ERBB4: variants seen among roughly 807,000 people sequenced by gnomAD.
ERBB4 encodes the protein erb-b2 receptor tyrosine kinase 4, also known as receptor tyrosine-protein kinase erbB-4.
Under a neutral mutation model 158.0 loss-of-function variants are expected in ERBB4, and 42 were observed. The observed-to-expected ratio is 0.27, with a 90% CI of 0.21 to 0.34. The LOEUF (loss-of-function observed/expected upper bound fraction) is 0.34, where lower values mean the gene tolerates loss of function less well. Ranked by LOEUF, ERBB4 falls within the 10% of genes least tolerant of loss-of-function variation. The probability of loss-of-function intolerance (pLI) is 1.00; values close to 1 mark genes in which losing one functional copy is unlikely to be tolerated. For missense variants in ERBB4, 1,333 were observed against 1,624.1 expected (o/e 0.82, Z 3.08); for synonymous variants, 583 against 558.7 (o/e 1.04, Z -0.61).
rs186713676 is a variant in ERBB4 at position 211,426,278 on chromosome 2, G to A, written c.2720-1977C>T. ...AGGAAAGCTAAAACAAAACATCCTC[G>A]AATTTTACTTGCAATTCCTTTATCT... On this transcript the variant is annotated intron_variant, in intron 22 of 27. Coordinates refer to ENST00000342788, the MANE Select transcript of ERBB4 (RefSeq NM_005235.3). 9.2e-5 allele frequency among the ~76,000 whole-genome samples: 14 copies of A among 152,178 alleles called. 2 individuals carry two copies. Among genetic ancestry groups the A allele is most frequent in the Admixed American group, 5.9e-4 (9 of 15,266 alleles).
At chr2:212,099,677 C>A (rs1458060475) in intron 2 of ERBB4, among the ~76,000 whole-genome samples, 1 of 151,852 alleles carries the variant, frequency 6.6e-6, no homozygotes, top group Non-Finnish European at 1.5e-5. Context: ...GGCTCTAGGG[C>A]AATGCCAATT....
chr2:212,501,167 T>A (rs564480570), intron 1 of ERBB4, among the ~76,000 whole-genome samples: 1 of 152,076 alleles, frequency 6.6e-6, no homozygotes, highest in Admixed American at 6.6e-5. Context: ...CAGCCACACA[T>A]CTAATGACAC....
At chr2:211,564,507 C>T (rs2067493358) in intron 19 of ERBB4, among the ~76,000 whole-genome samples, 1 of 152,158 alleles carries the variant, frequency 6.6e-6, no homozygotes, top group African/African-American at 2.4e-5. Flanking sequence ...TCCATTCCAT[C>T]TCCCAAATAG....
In ERBB4 at chr2:212,464,892, T is replaced by TCTCA. The variant is rs1252384791; in HGVS notation, c.82+73556_82+73557insTGAG. On this transcript the variant is annotated intron_variant, in intron 1 of 27. Transcript: ENST00000342788. ...TGCAATCTATTTAGAAAGGGAAACATCACACACACACACACACACACACAC... is the reference window on the plus strand; with the variant it reads ...TGCAATCTATTTAGAAAGGGAAACATCTCACACACACACACACACACACACACAC... Among the ~76,000 whole-genome samples, 921 of 146,130 alleles carry TCTCA rather than the reference T, an allele frequency of 6.3e-3. 8 individuals carry two copies. Among genetic ancestry groups the TCTCA allele is most frequent in the African/African-American group, 0.022 (864 of 39,992 alleles).
chr2:211,733,441 C>CA (rs1559468928), intron 5 of ERBB4, among the ~76,000 whole-genome samples: 3 of 151,718 alleles, frequency 2.0e-5, no homozygotes, highest in African/African-American at 7.3e-5. Flanking sequence ...TATGAATCTG[C>CA]GTAAGAATAC....
chr2:212,115,424 A>T (rs2079542979), intron 2 of ERBB4, among the ~76,000 whole-genome samples: 1 of 152,212 alleles, frequency 6.6e-6, no homozygotes. Context: ...TGAAATTTTG[A>T]AGAAAAAAAG....
intron 13 of ERBB4, among the ~76,000 whole-genome samples, chr2:211,678,824 G>A (rs1027392401): frequency 3.3e-5 from 5 of 151,800 alleles, no homozygotes; most frequent in Admixed American, 1.3e-4. Flanking sequence ...AAAATTAGCC[G>A]GGCATGGTGG....
chr2:211,969,467 G>T (rs1019790398), intron 2 of ERBB4, among the ~76,000 whole-genome samples: 7 of 151,946 alleles, frequency 4.6e-5, no homozygotes, highest in Non-Finnish European at 7.4e-5. Context: ...TACAAGAATG[G>T]ATTAGGTCTT....
intron 3 of ERBB4, among the ~76,000 whole-genome samples, chr2:211,915,770 GC>G (rs2079672279): frequency 1.3e-5 from 2 of 151,818 alleles, no homozygotes; most frequent in Admixed American, 6.6e-5. Context: ...AAAGGGGAAA[GC>G]TTTTCCCCTC....
chr2:212,089,369 C>T (rs1459673368), intron 2 of ERBB4, among the ~76,000 whole-genome samples: 1 of 152,094 alleles, frequency 6.6e-6, no homozygotes, highest in Non-Finnish European at 1.5e-5. Flanking sequence ...GGCTGAATTG[C>T]ACATTTTTAA....
At chr2:212,436,082 T>G (rs1179228203) in intron 1 of ERBB4, among the ~76,000 whole-genome samples, 1 of 151,802 alleles carries the variant, frequency 6.6e-6, no homozygotes, top group Non-Finnish European at 1.5e-5. Context: ...CCATCAAAAT[T>G]TGTCAATCAT....
At chr2:212,395,909 G>A (rs530357092) in intron 1 of ERBB4, among the ~76,000 whole-genome samples, 9 of 152,164 alleles carry the variant, frequency 5.9e-5, no homozygotes, top group East Asian at 3.9e-4. Context: ...GAGCGACCAC[G>A]CCCAGCCAGC....
intron 2 of ERBB4, among the ~76,000 whole-genome samples, chr2:212,062,939 C>T (rs1458265716): frequency 6.6e-6 from 1 of 151,614 alleles, no homozygotes; most frequent in Non-Finnish European, 1.5e-5. Flanking sequence ...AAAGAAAAAA[C>T]AAAAAAGGAT....
Position 212,103,524 on chromosome 2 carries a change from G to T in ERBB4, c.234+21228C>A, listed in dbSNP as rs1575636790. Among the ~76,000 whole-genome samples the T allele has an allele frequency of 3.3e-5, 5 of 152,038 alleles. No homozygotes were observed. In the East Asian group the frequency reaches 7.7e-4, roughly 23 times the overall value. On this transcript the variant is annotated intron_variant, in intron 2 of 27. Transcript: ENST00000342788. ...TCTGGTACTAAATCTTCCAAATCTT[G>T]TGCATGTTTTACAACTCCTACATAT...
chr2:212,226,392 A>G (rs902053018), intron 1 of ERBB4, among the ~76,000 whole-genome samples: 1 of 136,392 alleles, frequency 7.3e-6, no homozygotes, highest in African/African-American at 2.7e-5. Flanking sequence ...ACCCATGGGA[A>G]TTGACATAGT....
chr2:212,419,201 A>G (rs994964892), intron 1 of ERBB4, among the ~76,000 whole-genome samples: 13 of 151,842 alleles, frequency 8.6e-5, no homozygotes, highest in African/African-American at 3.1e-4. Context: ...TGAACGTTCA[A>G]AATTAGTGTT....
chr2:212,058,470 T>A (rs2077652002), intron 2 of ERBB4, among the ~76,000 whole-genome samples: 1 of 152,114 alleles, frequency 6.6e-6, no homozygotes, highest in Admixed American at 6.5e-5. Context: ...TACCAAAGCC[T>A]GATAGAGAAA....
chr2:211,943,424 G>A (rs762949260), intron 3 of ERBB4, among the ~76,000 whole-genome samples: 9 of 152,052 alleles, frequency 5.9e-5, no homozygotes, highest in Non-Finnish European at 1.2e-4. Flanking sequence ...TGACCTTAAC[G>A]GAAGACATGA....
intron 1 of ERBB4, among the ~76,000 whole-genome samples, chr2:212,190,515 C>G (rs143479925): frequency 2.9e-5 from 4 of 137,452 alleles, no homozygotes; most frequent in Non-Finnish European, 4.6e-5. Context: ...CCAGCCTGGG[C>G]AACAGAGCGA....
Sources: gnomAD v4.1 joint callset for allele counts (sites outside exome capture counted in the v4.1 genomes callset) on GRCh38, gnomAD v4.1.1 for gene constraint, MANE v1.5 for transcripts, NCBI Gene and HGNC (gene_info 2026-07-23, HGNC 2026-07-21) for gene names.